NCKAP5: variants seen among roughly 807,000 people sequenced by gnomAD.
NCKAP5 encodes the protein nck-associated protein 5.
A neutral mutation model predicts 167.0 loss-of-function variants in NCKAP5; 92 were observed. The observed-to-expected ratio is 0.55, with a 90% confidence interval of 0.47 to 0.66. NCKAP5 has a LOEUF of 0.66. NCKAP5 is among the 30% of genes least tolerant of loss of function. The pLI, the probability that NCKAP5 is intolerant of heterozygous loss-of-function variation, is 0.00. For missense variants in NCKAP5, 2,378 were observed against 2,315.0 expected, an observed-to-expected ratio of 1.03 and a Z score of -0.56; for synonymous variants, 891 against 877.4, an observed-to-expected ratio of 1.02 and a Z score of -0.27.
At chr2:133,615,151 T>G in the NCKAP5 span, among the ~76,000 whole-genome samples, 95,007 of 151,144 alleles carry the variant, frequency 0.63, 30,970 homozygotes, top group Middle Eastern at 0.78. Flanking sequence ...TGAAGGAAGC[T>G]CTAAACATGG....
intron 6 of NCKAP5, among the ~76,000 whole-genome samples, chr2:133,020,572 A>T (rs1436601643): frequency 3.9e-5 from 6 of 152,242 alleles, no homozygotes; most frequent in Non-Finnish European, 7.3e-5. Context: ...AGGAACTTCA[A>T]GAAGAGATGC....
intron 4 of NCKAP5, among the ~76,000 whole-genome samples, chr2:133,293,103 A>G (rs1298852231): frequency 6.6e-6 from 1 of 152,190 alleles, no homozygotes. Context: ...AATGTGTTTT[A>G]TAGAACCCCC....
intron 3 of NCKAP5, among the ~76,000 whole-genome samples, chr2:133,485,896 T>C (rs1680863095): frequency 6.6e-6 from 1 of 152,164 alleles, no homozygotes; most frequent in Non-Finnish European, 1.5e-5. Flanking sequence ...GCATAGATGA[T>C]ACATGCAACA....
chr2:132,831,175 C>T (rs1405227548), intron 11 of NCKAP5, among the ~76,000 whole-genome samples: 1 of 152,160 alleles, frequency 6.6e-6, no homozygotes, highest in South Asian at 2.1e-4. Flanking sequence ...CACGGAAGAA[C>T]CATTCTTGGC....
chr2:133,471,696 A>G (rs1679338754), intron 3 of NCKAP5, among the ~76,000 whole-genome samples: 1 of 152,126 alleles, frequency 6.6e-6, no homozygotes, highest in Non-Finnish European at 1.5e-5. Context: ...CTTTATCATC[A>G]TAGGCTAAAC....
chr2:132,953,006 C>A (rs2076234921), intron 8 of NCKAP5, among the ~76,000 whole-genome samples: 1 of 152,190 alleles, frequency 6.6e-6, no homozygotes, highest in African/African-American at 2.4e-5. Flanking sequence ...GCTGAGGCAA[C>A]TGCATGAGTT....
chr2:133,467,021 C>T (rs1692652149), intron 3 of NCKAP5, among the ~76,000 whole-genome samples: 2 of 151,896 alleles, frequency 1.3e-5, no homozygotes, highest in Admixed American at 6.6e-5. Flanking sequence ...TGCCTGATTG[C>T]CCTGGCCAGA....
chr2:132,822,420 G>A (rs1426979165), intron 11 of NCKAP5, among the ~76,000 whole-genome samples: 1 of 152,206 alleles, frequency 6.6e-6, no homozygotes, highest in Non-Finnish European at 1.5e-5. Flanking sequence ...CCTGGAGCCT[G>A]ATAGCCCTGC....
intron 6 of NCKAP5, among the ~76,000 whole-genome samples, chr2:133,055,965 A>G (rs1573890301): frequency 2.0e-5 from 3 of 152,254 alleles, no homozygotes; most frequent in South Asian, 4.1e-4. Flanking sequence ...AATTACTTAC[A>G]AGAGTTATTA....
chr2:133,549,296 T>C (rs904219843), intron 2 of NCKAP5, among the ~76,000 whole-genome samples: 5 of 150,974 alleles, frequency 3.3e-5, no homozygotes, highest in Non-Finnish European at 7.3e-5. Context: ...TATACATTTT[T>C]TTTCAGCACC....
chr2:132,877,580 G>A (rs1691383437), intron 9 of NCKAP5, among the ~76,000 whole-genome samples: 2 of 152,178 alleles, frequency 1.3e-5, no homozygotes, highest in Admixed American at 1.3e-4. Context: ...GGAGGCTGAC[G>A]CTGCTGGTCC....
intron 3 of NCKAP5, among the ~76,000 whole-genome samples, chr2:133,491,781 G>A (rs1462697260): frequency 6.6e-6 from 1 of 152,186 alleles, no homozygotes; most frequent in Non-Finnish European, 1.5e-5. Context: ...GCAGAGCTGA[G>A]ATGGAGGCAA....
chr2:133,230,321 T>G (rs1240270984), intron 4 of NCKAP5, among the ~76,000 whole-genome samples: 1 of 152,134 alleles, frequency 6.6e-6, no homozygotes, highest in East Asian at 1.9e-4. Context: ...TCTCCACTCA[T>G]ATACTCTCTG....
At chr2:133,445,976 C>T (rs945924246) in intron 3 of NCKAP5, among the ~76,000 whole-genome samples, 4 of 152,118 alleles carry the variant, frequency 2.6e-5, no homozygotes, top group Non-Finnish European at 4.4e-5. Context: ...TTTGTGGCAG[C>T]GTGGTGGTGG....
chr2:132,759,674 G>T (rs1040140931), intron 16 of NCKAP5, among the ~76,000 whole-genome samples: 2 of 151,930 alleles, frequency 1.3e-5, no homozygotes, highest in African/African-American at 2.4e-5. Flanking sequence ...TTAAGATTGT[G>T]TGGTATTTAT....
intron 3 of NCKAP5, among the ~76,000 whole-genome samples, chr2:133,305,725 C>G (rs1300773161): frequency 1.3e-5 from 2 of 152,172 alleles, no homozygotes; most frequent in Non-Finnish European, 2.9e-5. Context: ...TTTAAACTAG[C>G]TTTATCCTGT....
intron 11 of NCKAP5, among the ~76,000 whole-genome samples, chr2:132,817,642 A>T (rs1247974792): frequency 6.6e-6 from 1 of 152,154 alleles, no homozygotes; most frequent in South Asian, 2.1e-4. Flanking sequence ...AGAGCTTCAG[A>T]TGTCAGATTA....
intron 8 of NCKAP5, among the ~76,000 whole-genome samples, chr2:132,891,707 T>C (rs554317852): frequency 5.1e-4 from 78 of 152,304 alleles, no homozygotes; most frequent in Admixed American, 4.2e-3. Flanking sequence ...TAAACGGTAA[T>C]GCTTTCATGA....
intron 13 of NCKAP5, among the ~76,000 whole-genome samples, chr2:132,789,228 T>G (rs1313370852): frequency 6.6e-6 from 1 of 152,184 alleles, no homozygotes; most frequent in Admixed American, 6.5e-5. Context: ...GCCAGGGATA[T>G]TCACAAAGCG....
Sources: gnomAD v4.1 joint callset for allele counts (sites outside exome capture counted in the v4.1 genomes callset) on GRCh38, gnomAD v4.1.1 for gene constraint, MANE v1.5 for transcripts, NCBI Gene and HGNC (gene_info 2026-07-23, HGNC 2026-07-21) for gene names.